POLH: variants seen among roughly 807,000 people sequenced by gnomAD.
POLH encodes the protein DNA polymerase eta transcript.
Under a neutral mutation model 73.6 loss-of-function variants are expected in POLH, and 53 were observed. The ratio of observed to expected loss-of-function variants is 0.72; its 90% CI spans 0.58 to 0.91. The LOEUF (loss-of-function observed/expected upper bound fraction) is 0.91, where lower values mean the gene tolerates loss of function less well. POLH is among the 40% of genes least tolerant of loss of function. The pLI is 0.00. For synonymous variants in POLH, 292 were observed against 308.5 expected (o/e 0.95, Z 0.56); for missense variants, 768 against 865.4 (o/e 0.89, Z 1.41).
At chr6:43,582,814 A>C (rs1248626220) in intron 2 of POLH, among the ~76,000 whole-genome samples, 193 bp from the exon 3 acceptor site, 2 of 152,208 alleles carry the variant, frequency 1.3e-5, no homozygotes, top group Non-Finnish European at 2.9e-5. Flanking sequence ...CCCAAAGTAC[A>C]GGAATTGCCA....
intron 10 of POLH, among the ~76,000 whole-genome samples, chr6:43,611,964 G>T (rs1018115720): frequency 2.0e-5 from 3 of 152,078 alleles, no homozygotes; most frequent in African/African-American, 7.2e-5. Flanking sequence ...GCTGAGGCAG[G>T]AGAATTGCTT....
chr6:43,619,704 G>T lies in POLH; in HGVS notation c.*5147G>T, dbSNP rs1455518854. On this transcript the variant is annotated 3_prime_UTR_variant, in exon 11 of 11. Coordinates refer to ENST00000372236, the MANE Select transcript of POLH (RefSeq NM_006502.3). ...TTTCCAAAATTTTCTTTACAATACA[G>T]GCAAAAGATAAGTAAATTGTGGACA... Among the ~76,000 whole-genome samples, 1 of 152,158 alleles carries T rather than the reference G, an allele frequency of 6.6e-6. No homozygotes were observed. Among genetic ancestry groups the T allele is most frequent in the Non-Finnish European group, 1.5e-5 (1 of 68,034 alleles).
chr6:43,605,523 A>G, intron 9 of POLH: 1 of 512,940 alleles, frequency 1.9e-6, no homozygotes, highest in Non-Finnish European at 3.4e-6. Flanking sequence ...ATCATGGCTC[A>G]CTGCAACCTC....
rs761601636 is a variant in POLH at position 43,582,398 on chromosome 6, C to T, written c.79C>T (p.Pro27Ser). The part of the protein sequence containing the change: ...FFVQVEQRQN[P>S]HLRNKPCAVV... Reference sequence around the variant, plus strand: ...TGTTCAAGTGGAGCAGCGGCAAAATCCTCATTTGAGGAATAAACCTTGTGC... The same window carrying T: ...TGTTCAAGTGGAGCAGCGGCAAAATTCTCATTTGAGGAATAAACCTTGTGC... Residue 27 changes from proline (P) to serine (S), a missense_variant, in exon 2 of 11, where the codon CCT becomes TCT. By Grantham distance (74) the Pro-to-Ser change is moderately conservative. Transcript: ENST00000372236. 4.3e-6 allele frequency: 7 copies of T among 1,613,990 alleles called. No individual in the cohort carries two copies. The highest frequency in any genetic ancestry group is 5.9e-6 in the Non-Finnish European group (7 of 1,179,918).
intron 4 of POLH, chr6:43,591,160 A>G (rs1418563742): frequency 6.6e-6 from 1 of 152,170 alleles, no homozygotes; most frequent in Admixed American, 6.6e-5. Flanking sequence ...GACAATAAAG[A>G]TGTGCCACTT....
rs1452522258 is a variant in POLH at position 43,617,826 on chromosome 6, CAGA to C, written c.*3274_*3276del. Among the ~76,000 whole-genome samples the C allele has an allele frequency of 1.3e-5, 2 of 151,838 alleles. No individual in the cohort carries two copies. Among genetic ancestry groups the C allele is most frequent in the Non-Finnish European group, 2.9e-5 (2 of 68,004 alleles). On this transcript the variant is annotated 3_prime_UTR_variant, in exon 11 of 11. Transcript: ENST00000372236. The stretch of plus-strand genomic sequence containing the variant: ...GTCCCAGCTACTTGGGAGGCTGAGG[CAGA>C]AGAATTGCTTGACCTGGGAGGCGGA...
intron 3 of POLH, among the ~76,000 whole-genome samples, chr6:43,586,365 C>G (rs1227627353): frequency 6.6e-6 from 1 of 152,130 alleles, no homozygotes; most frequent in African/African-American, 2.4e-5. Context: ...CCTGTAATCC[C>G]AGCTACTTGG....
In POLH at chr6:43,593,923, A is replaced by T. The variant is rs188747735; in HGVS notation, c.491-3773A>T. ...AAGAAAGAAAGAAAAGTTTTTTCTC[A>T]GCTTTCATGGGCATTTAACACCAGA... On this transcript the variant is annotated intron_variant, in intron 4 of 10. Transcript: ENST00000372236. 7.0e-3 allele frequency among the ~76,000 whole-genome samples: 1,057 copies of T among 151,450 alleles called. 8 individuals are homozygous for T. Among genetic ancestry groups the T allele is most frequent in the African/African-American group, 0.024 (1,008 of 41,284 alleles).
chr6:43,585,936 G>A (rs1171818681), intron 3 of POLH, among the ~76,000 whole-genome samples: 3 of 150,662 alleles, frequency 2.0e-5, no homozygotes, highest in Non-Finnish European at 4.4e-5. Flanking sequence ...GAACTGCTGC[G>A]CCCGATCTTG....
chr6:43,584,762 CCT>C (rs1447846869), intron 3 of POLH, among the ~76,000 whole-genome samples: 5 of 152,134 alleles, frequency 3.3e-5, no homozygotes, highest in African/African-American at 1.2e-4. Context: ...CCTGCAACCC[CCT>C]CTTTGGATTT....
At position 43,604,655 on chromosome 6, in the gene POLH, C is replaced by G. The variant is rs758067749; in HGVS notation, c.925C>G (p.Pro309Ala). Residue 309 changes from proline to alanine, a missense_variant, in exon 8 of 11, where the codon CCA becomes GCA. Physicochemically the swap from Pro to Ala is conservative, Grantham distance 27. Transcript: ENST00000372236. Reference protein sequence around the residue: ...YAMCRGIEHDPVKPRQLPKTI... With the variant: ...YAMCRGIEHDAVKPRQLPKTI... The stretch of plus-strand genomic sequence containing the variant: ...CATGTGCCGAGGGATTGAACATGAT[C>G]CAGTTAAACCCAGGCAACTACCCAA... 1.1e-5 allele frequency: 18 copies of G among 1,613,758 alleles called. No individual in the cohort carries two copies. In the South Asian group the frequency reaches 1.6e-4, roughly 15 times the overall value.
rs1302568091 is a variant in POLH, at chr6:43,581,813, C to T, written c.-4-503C>T. Among the ~76,000 whole-genome samples the T allele has an allele frequency of 6.6e-5, 10 of 151,098 alleles. No homozygotes were observed. In the East Asian group the frequency reaches 1.2e-3, roughly 18 times the overall value. On this transcript the variant is annotated intron_variant, in intron 1 of 10. Coordinates refer to ENST00000372236, the MANE Select transcript of POLH (RefSeq NM_006502.3). ...GCGCAGCCGCGCCAACCACCACCCG[C>T]GGCCACCATGGCCGGACGGGCTCCC...
chr6:43,612,017 T>C (rs1375274767), intron 10 of POLH, among the ~76,000 whole-genome samples: 1 of 151,810 alleles, frequency 6.6e-6, no homozygotes, highest in African/African-American at 2.4e-5. Flanking sequence ...GATTGCGCCA[T>C]TGCACTCCAG....
chr6:43,585,637 C>CTTTTTTTTTTTTTTTTTTTT (rs1208848737), intron 3 of POLH, among the ~76,000 whole-genome samples: 13 of 107,408 alleles, frequency 1.2e-4, no homozygotes, highest in African/African-American at 7.0e-4. Context: ...TCTTTCTTTT[C>CTTTTTTTTTTTTTTTTTTTT]TTTTTTTTTT....
chr6:43,605,700 T>G (rs1767210498), intron 9 of POLH, among the ~76,000 whole-genome samples: 1 of 152,012 alleles, frequency 6.6e-6, no homozygotes, highest in South Asian at 2.1e-4. Context: ...TTAAGAAATC[T>G]TTTTAAATTT....
intron 4 of POLH, among the ~76,000 whole-genome samples, chr6:43,589,063 C>T (rs1765157589): frequency 6.6e-6 from 1 of 152,082 alleles, no homozygotes; most frequent in Non-Finnish European, 1.5e-5. Context: ...TGGTCTCGAT[C>T]TCCTGACCTT....
chr6:43,597,576 C>G, intron 4 of POLH, 120 bp from the exon 5 acceptor site: 1 of 941,468 alleles, frequency 1.1e-6, no homozygotes. Context: ...AGCTGGCTGC[C>G]ATTTTTTTGT....
intron 5 of POLH, among the ~76,000 whole-genome samples, chr6:43,600,575 A>C (rs1227021913): frequency 1.3e-5 from 2 of 152,204 alleles, no homozygotes; most frequent in African/African-American, 4.8e-5. Context: ...AAATGGACCA[A>C]CTATTAATCA....
At position 43,614,770 on chromosome 6, in the gene POLH, C is replaced by T. The variant is rs1451894962; in HGVS notation, c.*213C>T. 7.4e-6 allele frequency: 4 copies of T among 539,340 alleles called. No individual in the cohort carries two copies. The highest frequency in any genetic ancestry group is 2.6e-5 in the South Asian group (1 of 38,314). 33.4% of individuals were successfully genotyped at this position (539,340 alleles called of 1,614,324 possible). ...GACAGAGATGTAAAAATTCATCCTA[C>T]CAGAGTTTTTAATCTTTAGCATTTA... On this transcript the variant is annotated 3_prime_UTR_variant, in exon 11 of 11. Transcript: ENST00000372236.
Sources: allele counts gnomAD v4.1 joint callset (sites outside exome capture counted in the v4.1 genomes callset), GRCh38; gene constraint gnomAD v4.1.1; transcripts MANE v1.5; gene names NCBI Gene and HGNC (gene_info 2026-07-23, HGNC 2026-07-21).